MCTP2: variants seen among roughly 807,000 people sequenced by gnomAD.
MCTP2 encodes the protein multiple C2 and transmembrane domain containing 2.
Under a neutral mutation model 111.6 loss-of-function variants are expected in MCTP2, and 132 were observed. That is an observed-to-expected ratio of 1.18 (90% confidence interval 1.03 to 1.37). The LOEUF (loss-of-function observed/expected upper bound fraction) is 1.37. MCTP2 is among the 40% of genes most tolerant of loss of function. The probability of loss-of-function intolerance (pLI) is 0.00; values close to 1 mark genes in which losing one functional copy is unlikely to be tolerated. For missense variants in MCTP2, 1,183 were observed against 1,067.9 expected (o/e 1.11, Z -1.50); for synonymous variants, 395 against 387.7 (o/e 1.02, Z -0.22).
intron 2 of MCTP2, among the ~76,000 whole-genome samples, chr15:94,312,657 G>A (rs563155258): frequency 6.6e-6 from 1 of 152,356 alleles, no homozygotes; most frequent in East Asian, 1.9e-4. Flanking sequence ...GATGGGGAAA[G>A]AGGCAAGGGT....
intron 12 of MCTP2, among the ~76,000 whole-genome samples, chr15:94,374,542 G>T (rs1006940193): frequency 2.0e-5 from 3 of 152,204 alleles, no homozygotes; most frequent in Non-Finnish European, 4.4e-5. Flanking sequence ...CACCAAATCA[G>T]TGATTCTTCC....
chr15:94,475,524 T>TA (rs1231045705), intron 21 of MCTP2, among the ~76,000 whole-genome samples: 1 of 152,208 alleles, frequency 6.6e-6, no homozygotes, highest in Non-Finnish European at 1.5e-5. Flanking sequence ...ACTGAACAGT[T>TA]AAATGTTACC....
intron 17 of MCTP2, among the ~76,000 whole-genome samples, chr15:94,412,386 C>T (rs1046502623): frequency 1.3e-5 from 2 of 151,586 alleles, no homozygotes; most frequent in African/African-American, 4.9e-5. Flanking sequence ...GGTAACATGC[C>T]GTAGGGAGAT....
chr15:94,322,905 T>G (rs1212201301), intron 4 of MCTP2, among the ~76,000 whole-genome samples: 1 of 152,182 alleles, frequency 6.6e-6, no homozygotes, highest in Non-Finnish European at 1.5e-5. Context: ...GGTATGTGAT[T>G]GAGCATAGGA....
In MCTP2 at chr15:94,385,526, G is replaced by C; in HGVS notation, c.1788+1G>C. 1 of 1,596,054 alleles carries C rather than the reference G, an allele frequency of 6.3e-7. No individual in the cohort carries two copies. The highest frequency in any genetic ancestry group is 8.6e-7 in the Non-Finnish European group (1 of 1,164,144). On this transcript the variant is annotated splice_donor_variant, in intron 14 of 22. Coordinates refer to ENST00000357742, the MANE Select transcript of MCTP2 (RefSeq NM_001385001.1). LOFTEE classifies it high-confidence loss of function. ...AAAAGTTGCCATTCCCTTGCTGTCC[G>C]TAAGTTTCCTTTATTAATAAACAAT...
intron 12 of MCTP2, among the ~76,000 whole-genome samples, chr15:94,379,063 GTTT>G (rs964287445): frequency 9.3e-5 from 14 of 150,984 alleles, no homozygotes; most frequent in African/African-American, 3.4e-4. Flanking sequence ...TTAGTTTTTT[GTTT>G]TTTGTTTTTT....
chr15:94,399,995 G>A lies in MCTP2; in HGVS notation c.1965G>A (p.Lys655=). ...FVEDSRKLSK[K]ILSRDVDRVK... is the part of the protein sequence containing the mutation. ...AAGACAGCCGCAAGCTGTCCAAAAAGGTGGGTCGCTACAGTAGGTGGCTTG... is the reference window on the plus strand; with the variant it reads ...AAGACAGCCGCAAGCTGTCCAAAAAAGTGGGTCGCTACAGTAGGTGGCTTG... Residue 655 remains lysine (K), a splice_region_variant and synonymous_variant, in exon 16 of 23, where the codon AAG becomes AAA. Transcript: ENST00000357742. The A allele has an allele frequency of 6.2e-7, 1 of 1,613,952 alleles. No individual in the cohort carries two copies. The highest frequency in any genetic ancestry group is 8.5e-7 in the Non-Finnish European group (1 of 1,179,846).
intron 2 of MCTP2, among the ~76,000 whole-genome samples, chr15:94,299,261 C>G (rs903555607): frequency 6.6e-6 from 1 of 151,804 alleles, no homozygotes; most frequent in African/African-American, 2.4e-5. Flanking sequence ...GATGAATTCT[C>G]TTTTATCTGT....
At chr15:94,406,857 T>TG (rs2081922872) in intron 17 of MCTP2, among the ~76,000 whole-genome samples, 2 of 135,946 alleles carry the variant, frequency 1.5e-5, no homozygotes, top group Non-Finnish European at 3.1e-5. Context: ...ACTTTTCAGT[T>TG]GTTTTTTTTT....
At chr15:94,326,828 A>C (rs6497201) in intron 4 of MCTP2, among the ~76,000 whole-genome samples, 39,617 of 60,712 alleles carry the variant, frequency 0.65, 10,602 homozygotes, top group East Asian at 0.77. Context: ...ACCCCCCCCC[A>C]ACCTCGGCCT....
chr15:94,374,227 A>G (rs962408245), intron 12 of MCTP2, among the ~76,000 whole-genome samples: 5 of 152,220 alleles, frequency 3.3e-5, no homozygotes, highest in Admixed American at 6.5e-5. Flanking sequence ...AAAAGAGAAT[A>G]TAGTAAACAA....
intron 20 of MCTP2, among the ~76,000 whole-genome samples, chr15:94,459,214 G>A (rs1234229370): frequency 6.6e-6 from 1 of 152,084 alleles, no homozygotes; most frequent in Non-Finnish European, 1.5e-5. Flanking sequence ...CGTGTCTACG[G>A]GGATCATTCT....
intron 16 of MCTP2, 31 bp downstream of exon 16, chr15:94,400,026 T>G (rs759837029): frequency 6.3e-7 from 1 of 1,595,036 alleles, no homozygotes; most frequent in East Asian, 2.2e-5. Context: ...GCTTGTTGAT[T>G]GGTACACTCA....
intron 2 of MCTP2, among the ~76,000 whole-genome samples, chr15:94,305,768 G>A (rs559101272): frequency 1.6e-4 from 24 of 152,272 alleles, no homozygotes; most frequent in African/African-American, 5.1e-4. Flanking sequence ...ACATGGAGGC[G>A]CTACGTGGGT....
chr15:94,353,537 G>C (rs935935249), intron 8 of MCTP2, among the ~76,000 whole-genome samples: 1 of 152,196 alleles, frequency 6.6e-6, no homozygotes, highest in Non-Finnish European at 1.5e-5. Context: ...ATATTTCATG[G>C]AAGTGCTGCC....
At position 94,340,303 on chromosome 15, in the gene MCTP2, A is replaced by G. The variant is rs1158404861; in HGVS notation, c.857+28A>G. ...ACCGTATTTTTACATTTTAATTGTT[A>G]TTGATGAGTTTTAGAGGGAACTTAC... On this transcript the variant is annotated intron_variant, in intron 6 of 22. Transcript: ENST00000357742. The G allele has an allele frequency of 2.6e-6, 4 of 1,532,848 alleles. No homozygotes were observed. In the Admixed American group the frequency reaches 5.0e-5, roughly 19 times the overall value. The allele number at this position is 1,532,848 out of a possible 1,614,324, so 95.0% of individuals were successfully genotyped here.
intron 9 of MCTP2, among the ~76,000 whole-genome samples, chr15:94,357,721 C>A (rs2078707872): frequency 6.6e-6 from 1 of 152,156 alleles, no homozygotes; most frequent in Non-Finnish European, 1.5e-5. Context: ...GGATTTAATA[C>A]CTCACACTGC....
At chr15:94,390,092 A>ATATATATATATATATATATATATG (rs2080835152) in intron 14 of MCTP2, among the ~76,000 whole-genome samples, 5 of 11,898 alleles carry the variant, frequency 4.2e-4, no homozygotes, top group Non-Finnish European at 2.1e-4. Flanking sequence ...ATATATATGT[A>ATATATATATATATATATATATATG]TATATATATA....
At chr15:94,253,416 C>T (rs879676546) in intron 1 of MCTP2, among the ~76,000 whole-genome samples, 1 of 152,324 alleles carries the variant, frequency 6.6e-6, no homozygotes, top group Non-Finnish European at 1.5e-5. Flanking sequence ...CTGCTGCCTG[C>T]TCCCTATTCC....
Sources: gnomAD v4.1 joint callset for allele counts (sites outside exome capture counted in the v4.1 genomes callset) on GRCh38, gnomAD v4.1.1 for gene constraint, MANE v1.5 for transcripts, NCBI Gene and HGNC (gene_info 2026-07-23, HGNC 2026-07-21) for gene names.